The following COL16A1 variants were observed in gnomAD, a reference collection of about 807,000 sequenced individuals.
COL16A1 encodes collagen alpha-1(XVI) chain.
COL16A1 carries 189 observed loss-of-function variants against 266.3 expected under a neutral mutation model. The ratio of observed to expected loss-of-function variants is 0.71; its 90% CI spans 0.63 to 0.80. The LOEUF is 0.80. Among genes scored for constraint, COL16A1 ranks in the 30% least tolerant of loss-of-function variants. COL16A1 has a pLI of 0.00. For synonymous variants in COL16A1, 740 were observed against 782.3 expected, an observed-to-expected ratio of 0.95 and a Z score of 0.90; for missense variants, 1,928 against 2,122.4, an observed-to-expected ratio of 0.91 and a Z score of 1.80.
rs1053652311 is a variant in COL16A1 at position 31,689,740 on chromosome 1, C to T, written c.1620+1G>A. On this transcript the variant is annotated splice_donor_variant, in intron 23 of 70. Coordinates refer to ENST00000373672, the MANE Select transcript of COL16A1 (RefSeq NM_001856.4). LOFTEE classifies it high-confidence loss of function. ...CCTCAATGGTCACCCTGGGCACTCA[C>T]CCTGGCTGGTACAGGATCACCAGGC... 5 of 1,613,508 alleles carry T rather than the reference C, an allele frequency of 3.1e-6. No individual in the cohort carries two copies. The highest frequency in any genetic ancestry group is 1.1e-5 in the South Asian group (1 of 91,072).
chr1:31,676,213 T>C (rs1345564534), intron 42 of COL16A1, among the ~76,000 whole-genome samples: 1 of 151,068 alleles, frequency 6.6e-6, no homozygotes, highest in Non-Finnish European at 1.5e-5. Flanking sequence ...TGGTCCCAGA[T>C]ACACGGGAGG....
At chr1:31,671,339 C>T (rs964755827) in intron 48 of COL16A1, among the ~76,000 whole-genome samples, 1 of 152,198 alleles carries the variant, frequency 6.6e-6, no homozygotes. Context: ...CTGTGGAAAG[C>T]GCAGCAGAGG....
intron 44 of COL16A1, among the ~76,000 whole-genome samples, chr1:31,673,916 G>T (rs1642958463): frequency 6.6e-6 from 1 of 152,240 alleles, no homozygotes; most frequent in Non-Finnish European, 1.5e-5. Flanking sequence ...AGCACTTGAT[G>T]AAGAAGCCAA....
chr1:31,686,515 G>A (rs1643985546), intron 26 of COL16A1: 1 of 671,564 alleles, frequency 1.5e-6, no homozygotes, highest in South Asian at 1.6e-5. Context: ...CCTCAGCCAT[G>A]TCTCAGCACA....
chr1:31,688,990 G>A lies in COL16A1; in HGVS notation c.1657-19C>T. The A allele has an allele frequency of 6.2e-7, 1 of 1,614,054 alleles. No individual in the cohort carries two copies. The highest frequency in any genetic ancestry group is 8.5e-7 in the Non-Finnish European group (1 of 1,179,958). ...GCTCCCCCTGGGGAAAGAAGAGGAA[G>A]GATCAGAAATGCTTCCAGGTAGGCA... On this transcript the variant is annotated intron_variant, in intron 24 of 70. Transcript: ENST00000373672. The surrounding 1 kb of genome is among the most constrained non-coding windows in gnomAD (Gnocchi z 4.9).
At chr1:31,692,840 G>A (rs1462797679) in intron 13 of COL16A1, 32 bp from the exon 14 acceptor site, 5 of 1,601,712 alleles carry the variant, frequency 3.1e-6, no homozygotes, top group Non-Finnish European at 2.6e-6. Flanking sequence ...TCAGGGGTGG[G>A]AACTCCTGGG....
chr1:31,657,330 G>A lies in COL16A1; in HGVS notation c.4021-262C>T. The A allele has an allele frequency of 1.8e-6, 1 of 550,306 alleles. No individual in the cohort carries two copies. Among genetic ancestry groups the A allele is most frequent in the East Asian group, 2.9e-5 (1 of 34,574 alleles). The allele number at this position is 550,306 out of a possible 1,614,324, so 34.1% of individuals were successfully genotyped here. On this transcript the variant is annotated intron_variant, in intron 64 of 70. Coordinates refer to ENST00000373672, the MANE Select transcript of COL16A1 (RefSeq NM_001856.4). This position sits in a 1 kb window ranked among gnomAD's most constrained non-coding sequence, Gnocchi z 6.4. ...GGGAAGAACAGACCGTGCCTGCCTT[G>A]CTGTGTGCTTGGATCCTGGCACCTT...
Position 31,682,977 on chromosome 1 carries a change from G to A in COL16A1, c.2495C>T (p.Thr832Ile). The A allele has an allele frequency of 6.2e-7, 1 of 1,614,034 alleles. No individual in the cohort carries two copies. Among genetic ancestry groups the A allele is most frequent in the Non-Finnish European group, 8.5e-7 (1 of 1,180,024 alleles). The part of the protein sequence containing the change: ...AQGSPGVKGA[T>I]GPVGPPGASV... Reference sequence around the variant, plus strand: ...GGCCCCAGGAGGTCCCACAGGTCCGGTGGCTCCTTTCACCCCTGGAGATCC... The same window carrying A: ...GGCCCCAGGAGGTCCCACAGGTCCGATGGCTCCTTTCACCCCTGGAGATCC... Residue 832 changes from threonine (T) to isoleucine (I), a missense_variant, in exon 37 of 71, where the codon ACC becomes ATC. Thr to Ile is a moderately conservative substitution (Grantham distance 89). Transcript: ENST00000373672.
Position 31,676,629 on chromosome 1 carries a change from A to C in COL16A1, c.2773-1318T>G, listed in dbSNP as rs574465957. 5.3e-5 allele frequency among the ~76,000 whole-genome samples: 8 copies of C among 152,318 alleles called. No individual in the cohort carries two copies. In the South Asian group the frequency reaches 1.7e-3, roughly 32 times the overall value. The stretch of plus-strand genomic sequence containing the variant: ...CTTATCTATAAAACAGGGATAGTTT[A>C]TGGTGAGGCTTCAAGGAGACAATGG... On this transcript the variant is annotated intron_variant, in intron 42 of 70. Transcript: ENST00000373672.
Position 31,688,543 on chromosome 1 carries a change from C to T in COL16A1, c.1768-41G>A. The T allele has an allele frequency of 1.9e-6, 3 of 1,613,922 alleles. No individual in the cohort carries two copies. Among genetic ancestry groups the T allele is most frequent in the Non-Finnish European group, 2.5e-6 (3 of 1,179,824 alleles). The stretch of plus-strand genomic sequence containing the variant: ...GACAGAGTCTCAGCATCTCCCCACT[C>T]CCACCTCTCCAAGGCTCCCCGGGTC... On this transcript the variant is annotated intron_variant, in intron 25 of 70. Coordinates refer to ENST00000373672, the MANE Select transcript of COL16A1 (RefSeq NM_001856.4). This position sits in a 1 kb window ranked among gnomAD's most constrained non-coding sequence, Gnocchi z 4.9.
chr1:31,664,677 C>G lies in COL16A1; in HGVS notation c.3555+495G>C, dbSNP rs947561601. Among the ~76,000 whole-genome samples, 4 of 152,208 alleles carry G rather than the reference C, an allele frequency of 2.6e-5. No homozygotes were observed. The highest frequency in any genetic ancestry group is 9.6e-5 in the African/African-American group (4 of 41,454). ...CCAACCCTTGTCACCAGGCAGGACA[C>G]GGGCCACCCCTGCCCTCTCTGGGCC... On this transcript the variant is annotated intron_variant, in intron 56 of 70. Coordinates refer to ENST00000373672, the MANE Select transcript of COL16A1 (RefSeq NM_001856.4). This position sits in a 1 kb window ranked among gnomAD's most constrained non-coding sequence, Gnocchi z 5.5.
Position 31,668,664 on chromosome 1 carries a change from C to G in COL16A1, c.3249+138G>C, listed in dbSNP as rs573754937. 11 of 946,086 alleles carry G rather than the reference C, an allele frequency of 1.2e-5. No homozygotes were observed. Among genetic ancestry groups the G allele is most frequent in the Middle Eastern group, 2.1e-4 (1 of 4,752 alleles). The allele number at this position is 946,086 out of a possible 1,614,324, so 58.6% of individuals were successfully genotyped here. A position where few individuals can be genotyped will look rare whatever the true frequency, so the allele number is the denominator to read the frequency against. On this transcript the variant is annotated intron_variant, in intron 50 of 70. Coordinates refer to ENST00000373672, the MANE Select transcript of COL16A1 (RefSeq NM_001856.4). This position sits in a 1 kb window ranked among gnomAD's most constrained non-coding sequence, Gnocchi z 5.8. ...TGTGGAAACCTCACACTGAGGGAAT[C>G]CCGGCAGAAGGGCAGAGAGTCTCAA...
Position 31,680,121 on chromosome 1 carries a change from T to C in COL16A1, c.2611-20A>G. The C allele has an allele frequency of 6.2e-7, 1 of 1,611,166 alleles. No homozygotes were observed. ...CTCACCCTGAAAATACAAGAGCCTT[T>C]GTGAGACATGGATGAAGACGAAGGG... On this transcript the variant is annotated intron_variant, in intron 39 of 70. Transcript: ENST00000373672.
chr1:31,670,935 C>A lies in COL16A1; in HGVS notation c.3151-289G>T, dbSNP rs1642624807. Among the ~76,000 whole-genome samples the A allele has an allele frequency of 6.6e-6, 1 of 152,182 alleles. No individual in the cohort carries two copies. Among genetic ancestry groups the A allele is most frequent in the African/African-American group, 2.4e-5 (1 of 41,436 alleles). ...TGAAGATCCGGTTGCAGCAGAAGCC[C>A]ATTTCTTTCAGCCTTGCCCACCATG... is the stretch of plus-strand genomic sequence containing the variant. On this transcript the variant is annotated intron_variant, in intron 48 of 70. Transcript: ENST00000373672. This position sits in a 1 kb window ranked among gnomAD's most constrained non-coding sequence, Gnocchi z 4.5.
At chr1:31,702,821 A>T (rs2148842550) in intron 1 of COL16A1, among the ~76,000 whole-genome samples, 1 of 152,262 alleles carries the variant, frequency 6.6e-6, no homozygotes, top group East Asian at 1.9e-4. Flanking sequence ...CCATAGGTAT[A>T]GTGGGCAGGA....
Position 31,689,762 on chromosome 1 carries a change from A to C in COL16A1, c.1599T>G (p.Pro533=). 6.2e-7 allele frequency: 1 copy of C among 1,614,078 alleles called. No individual in the cohort carries two copies. The highest frequency in any genetic ancestry group is 1.3e-5 in the African/African-American group (1 of 75,030). The change falls in exon 23 of 71, where the codon CCT becomes CCG. Residue 533 remains proline (P), a synonymous_variant. Transcript: ENST00000373672. ...LPGKPGPKGE[P]GDPVPARGDP... is the part of the protein sequence containing the mutation. ...TCACCCTGGCTGGTACAGGATCACC[A>C]GGCTCCCCTTTGGGCCCTGGCTTTC...
At chr1:31,691,899 C>G (rs1644286958) in intron 17 of COL16A1, 106 bp downstream of exon 17, 1 of 1,561,668 alleles carries the variant, frequency 6.4e-7, no homozygotes, top group Admixed American at 1.7e-5. Flanking sequence ...AGCCCCTCCC[C>G]ACCCTGTCTG....
At chr1:31,690,472 C>T (rs1644210236) in intron 21 of COL16A1, 57 bp downstream of exon 21, 1 of 1,614,094 alleles carries the variant, frequency 6.2e-7, no homozygotes, top group Non-Finnish European at 8.5e-7. Context: ...GACCTAGCCC[C>T]TCCCTCCAGA....
At chr1:31,694,111 G>T (rs1446617817) in intron 12 of COL16A1, 33 bp downstream of exon 12, 14 of 1,592,164 alleles carry the variant, frequency 8.8e-6, no homozygotes, top group Non-Finnish European at 1.2e-5. Context: ...TGCTAAAGAG[G>T]ACGGGAATGT....
Sources: allele counts gnomAD v4.1 joint callset (sites outside exome capture counted in the v4.1 genomes callset), GRCh38; gene constraint gnomAD v4.1.1; non-coding constraint Gnocchi (gnomAD v3.1); transcripts MANE v1.5; gene names NCBI Gene and HGNC (gene_info 2026-07-23, HGNC 2026-07-21).